Variants in CTNND2 observed in about 807,000 individuals in gnomAD.
CTNND2 encodes catenin delta-2.
In CTNND2, 22 loss-of-function variants were observed where a neutral mutation model predicts 144.4. The observed-to-expected ratio is 0.15, with a 90% CI of 0.11 to 0.22. The LOEUF is 0.22. Ranked by LOEUF, CTNND2 falls within the 10% of genes least tolerant of loss-of-function variation. The pLI, the probability that CTNND2 is intolerant of heterozygous loss-of-function variation, is 1.00. For synonymous variants in CTNND2, 751 were observed against 695.6 expected, an observed-to-expected ratio of 1.08 and a Z score of -1.25; for missense variants, 1,353 against 1,618.8, an observed-to-expected ratio of 0.84 and a Z score of 2.82.
intron 2 of CTNND2, among the ~76,000 whole-genome samples, chr5:11,618,463 A>G (rs1400285408): frequency 6.6e-6 from 1 of 152,254 alleles, no homozygotes; most frequent in Non-Finnish European, 1.5e-5. Context: ...CATCTTGCTT[A>G]GAACAAGCTG....
chr5:11,904,096 C>T lies in CTNND2; in HGVS notation c.-243G>A. ...CCTCCGAGCTCGGCGAGCGCAGCGC[C>T]CCCTGCCCGGCTCCGCGGGCTCCAC... On this transcript the variant is annotated 5_prime_UTR_variant, in exon 1 of 22. Transcript: ENST00000304623. The surrounding 1 kb of genome is among the most constrained non-coding windows in gnomAD (Gnocchi z 4.2). 5.6e-6 allele frequency: 1 copy of T among 177,892 alleles called. No individual in the cohort carries two copies. The highest frequency in any genetic ancestry group is 2.4e-5 in the African/African-American group (1 of 41,652). 11.0% of individuals were successfully genotyped at this position (177,892 alleles called of 1,614,324 possible).
chr5:11,525,410 A>C (rs538304356), intron 3 of CTNND2, among the ~76,000 whole-genome samples: 9 of 152,316 alleles, frequency 5.9e-5, no homozygotes, highest in South Asian at 4.1e-4. Context: ...TAAAAAAAAA[A>C]CACATAATCA....
At chr5:11,882,442 T>A (rs1407161592) in intron 1 of CTNND2, among the ~76,000 whole-genome samples, 1 of 152,000 alleles carries the variant, frequency 6.6e-6, no homozygotes, top group Admixed American at 6.6e-5. Flanking sequence ...TTCTGCAGAA[T>A]AAAGGATAAT....
At chr5:11,246,698 C>G (rs1033369209) in intron 9 of CTNND2, among the ~76,000 whole-genome samples, 2 of 109,826 alleles carry the variant, frequency 1.8e-5, no homozygotes, top group South Asian at 6.8e-4. Context: ...GACAGGGACA[C>G]GACAGTCTGT....
intron 9 of CTNND2, among the ~76,000 whole-genome samples, chr5:11,344,391 CAAA>C (rs769278963): frequency 9.4e-6 from 1 of 106,762 alleles, no homozygotes. Flanking sequence ...GACTCCGTCT[CAAA>C]AAAAAAAAAA....
chr5:11,079,495 C>T (rs61750271), intron 16 of CTNND2, among the ~76,000 whole-genome samples: 2 of 152,282 alleles, frequency 1.3e-5, no homozygotes, highest in East Asian at 3.9e-4. Flanking sequence ...TCCAGGAGAT[C>T]AATCAGCCTT....
At chr5:11,027,257 T>A (rs1305531108) in intron 16 of CTNND2, 1 of 152,242 alleles carries the variant, frequency 6.6e-6, no homozygotes, top group Non-Finnish European at 1.5e-5. Flanking sequence ...AAGATTAGCA[T>A]GGCCCCTGTG....
intron 2 of CTNND2, among the ~76,000 whole-genome samples, chr5:11,583,462 T>C (rs1011466278): frequency 6.6e-6 from 1 of 152,210 alleles, no homozygotes; most frequent in African/African-American, 2.4e-5. Flanking sequence ...GAGGGTCAGC[T>C]TCAGTTAAGT....
At chr5:11,275,473 G>C (rs982636244) in intron 9 of CTNND2, among the ~76,000 whole-genome samples, 1 of 152,212 alleles carries the variant, frequency 6.6e-6, no homozygotes, top group Admixed American at 6.5e-5. Context: ...ATTCTGCCCC[G>C]TGGATTCCCA....
At chr5:11,217,158 C>T (rs1016437696) in intron 10 of CTNND2, among the ~76,000 whole-genome samples, 17 of 152,142 alleles carry the variant, frequency 1.1e-4, no homozygotes, top group African/African-American at 2.7e-4. Flanking sequence ...ATTTCAATGA[C>T]GGAAGACAGA....
At chr5:11,094,258 C>A (rs1751092591) in intron 15 of CTNND2, among the ~76,000 whole-genome samples, 1 of 152,102 alleles carries the variant, frequency 6.6e-6, no homozygotes, top group South Asian at 2.1e-4. Flanking sequence ...TGCTTTCTGT[C>A]TTCTAAAATT....
At chr5:11,015,032 CT>C (rs1193600360) in intron 18 of CTNND2, among the ~76,000 whole-genome samples, 3 of 152,196 alleles carry the variant, frequency 2.0e-5, no homozygotes, top group Non-Finnish European at 4.4e-5. Flanking sequence ...ATCTTTACCC[CT>C]AGTACCTCCT....
At chr5:11,738,314 T>C (rs1335611836) in intron 1 of CTNND2, among the ~76,000 whole-genome samples, 4 of 152,126 alleles carry the variant, frequency 2.6e-5, no homozygotes, top group African/African-American at 9.7e-5. Flanking sequence ...TTCAGAAAAA[T>C]TGGCCTGCAT....
At chr5:11,178,253 C>T (rs1466309336) in intron 11 of CTNND2, among the ~76,000 whole-genome samples, 2 of 152,158 alleles carry the variant, frequency 1.3e-5, no homozygotes, top group African/African-American at 4.8e-5. Flanking sequence ...ACCAATAAGT[C>T]TGCTACTGAC....
intron 1 of CTNND2, among the ~76,000 whole-genome samples, chr5:11,740,389 A>G (rs1480349525): frequency 2.6e-5 from 4 of 152,154 alleles, no homozygotes; most frequent in Admixed American, 6.6e-5. Flanking sequence ...AACACCACAC[A>G]TCTACAACCA....
intron 3 of CTNND2, among the ~76,000 whole-genome samples, chr5:11,516,322 C>G (rs1052695875): frequency 6.6e-6 from 1 of 151,298 alleles, no homozygotes; most frequent in Non-Finnish European, 1.5e-5. Flanking sequence ...AAGTCCTGGA[C>G]GAGGCAATTA....
At chr5:11,051,107 G>A (rs773827129) in intron 16 of CTNND2, among the ~76,000 whole-genome samples, 6 of 152,180 alleles carry the variant, frequency 3.9e-5, no homozygotes, top group Non-Finnish European at 5.9e-5. Flanking sequence ...GAACAAAAGC[G>A]CATTCATTCT....
intron 12 of CTNND2, among the ~76,000 whole-genome samples, chr5:11,122,733 T>TG (rs757677944): frequency 2.6e-4 from 39 of 150,804 alleles, no homozygotes; most frequent in Middle Eastern, 3.4e-3. Flanking sequence ...GTTTGAGGAG[T>TG]GGGGTGGGCT....
chr5:11,769,018 G>C (rs1789761114), intron 1 of CTNND2, among the ~76,000 whole-genome samples: 1 of 152,136 alleles, frequency 6.6e-6, no homozygotes, highest in Non-Finnish European at 1.5e-5. Flanking sequence ...ATAAATAAGA[G>C]GCAACTCCCC....
Sources: gnomAD v4.1 joint callset for allele counts (sites outside exome capture counted in the v4.1 genomes callset) on GRCh38, gnomAD v4.1.1 for gene constraint, Gnocchi (gnomAD v3.1) non-coding constraint, MANE v1.5 for transcripts, NCBI Gene and HGNC (gene_info 2026-07-23, HGNC 2026-07-21) for gene names.